Variants in ROBO1 observed in about 807,000 individuals in gnomAD.
ROBO1 encodes the protein roundabout homolog 1.
In ROBO1, 149 loss-of-function variants were observed where a neutral mutation model predicts 195.9. That is an observed-to-expected ratio of 0.76 (90% CI 0.67 to 0.87). The LOEUF (loss-of-function observed/expected upper bound fraction) is 0.87. Ranked by LOEUF, ROBO1 falls within the 40% of genes least tolerant of loss-of-function variation. ROBO1 has a pLI of 0.00. For missense variants in ROBO1, 1,933 were observed against 2,068.3 expected (o/e 0.93, Z 1.27); for synonymous variants, 816 against 733.2 (o/e 1.11, Z -1.82).
chr3:78,737,361 G>A (rs1475684902), intron 5 of ROBO1, among the ~76,000 whole-genome samples: 1 of 152,082 alleles, frequency 6.6e-6, no homozygotes, highest in Admixed American at 6.6e-5. Context: ...TTTCCATCAA[G>A]ATTTAGATGA....
chr3:79,212,919 T>G (rs1414645771), intron 2 of ROBO1, among the ~76,000 whole-genome samples: 1 of 152,082 alleles, frequency 6.6e-6, no homozygotes, highest in African/African-American at 2.4e-5. Flanking sequence ...GCAAATTCTT[T>G]TCTTACTTGC....
chr3:79,315,672 TTTTGATATA>T (rs1434263707), intron 2 of ROBO1, among the ~76,000 whole-genome samples: 2 of 152,216 alleles, frequency 1.3e-5, no homozygotes, highest in Non-Finnish European at 1.5e-5. Context: ...CGGAAACATT[TTTTGATATA>T]TTAAATTCAA....
chr3:79,525,438 T>C (rs1443131924), intron 2 of ROBO1, among the ~76,000 whole-genome samples: 1 of 149,368 alleles, frequency 6.7e-6, no homozygotes, highest in Admixed American at 6.7e-5. Flanking sequence ...TATTAATCTC[T>C]TATGTATGTT....
chr3:78,845,199 G>A (rs1043142861), intron 4 of ROBO1, among the ~76,000 whole-genome samples: 2 of 149,752 alleles, frequency 1.3e-5, no homozygotes, highest in Non-Finnish European at 2.9e-5. Flanking sequence ...ACAGGTTTTA[G>A]AGATTTAATA....
intron 2 of ROBO1, among the ~76,000 whole-genome samples, chr3:79,378,233 C>T (rs2036452443): frequency 6.6e-6 from 1 of 151,752 alleles, no homozygotes; most frequent in Non-Finnish European, 1.5e-5. Flanking sequence ...CTGCTCTGTC[C>T]ACTTTAGGCC....
chr3:79,060,143 C>A (rs2108398670), intron 3 of ROBO1, among the ~76,000 whole-genome samples: 1 of 152,084 alleles, frequency 6.6e-6, no homozygotes, highest in South Asian at 2.1e-4. Flanking sequence ...GCAGCATCCC[C>A]AGGCTTGCTA....
chr3:78,711,469 C>T (rs1170071240), intron 8 of ROBO1, among the ~76,000 whole-genome samples: 1 of 107,334 alleles, frequency 9.3e-6, no homozygotes, highest in Non-Finnish European at 2.1e-5. Flanking sequence ...CCTTCCTTTT[C>T]TCTCTTTCTC....
At chr3:78,798,619 A>G (rs1436397741) in intron 4 of ROBO1, among the ~76,000 whole-genome samples, 1 of 152,156 alleles carries the variant, frequency 6.6e-6, no homozygotes, top group Non-Finnish European at 1.5e-5. Flanking sequence ...ATGCTAAGTA[A>G]ACTTTTTCAG....
intron 2 of ROBO1, among the ~76,000 whole-genome samples, chr3:79,414,684 A>T (rs554025120): frequency 1.3e-4 from 20 of 152,300 alleles, no homozygotes; most frequent in African/African-American, 4.8e-4. Context: ...CTCAAAGCTT[A>T]TATTCAGTAT....
intron 1 of ROBO1, among the ~76,000 whole-genome samples, chr3:79,590,208 T>A (rs1274753718): frequency 6.6e-6 from 1 of 151,838 alleles, no homozygotes; most frequent in Non-Finnish European, 1.5e-5. Context: ...AAATGATTCC[T>A]GGTTTTCTCT....
At chr3:79,454,131 CTTT>C (rs11370962) in intron 2 of ROBO1, among the ~76,000 whole-genome samples, 2 of 141,898 alleles carry the variant, frequency 1.4e-5, no homozygotes, top group Non-Finnish European at 3.1e-5. Flanking sequence ...AATTTCATTC[CTTT>C]TTTTTTTTTT....
At chr3:78,775,397 A>G (rs1452723775) in intron 4 of ROBO1, among the ~76,000 whole-genome samples, 1 of 149,684 alleles carries the variant, frequency 6.7e-6, no homozygotes, top group Admixed American at 7.2e-5. Flanking sequence ...ATTTTATTCT[A>G]TTAAATATAT....
intron 4 of ROBO1, among the ~76,000 whole-genome samples, chr3:78,789,949 C>G (rs945525092): frequency 2.0e-5 from 3 of 152,192 alleles, no homozygotes; most frequent in Non-Finnish European, 4.4e-5. Context: ...ACATCTTGGG[C>G]TAGCTTAACA....
At chr3:78,640,674 G>A (rs1705886124) in intron 21 of ROBO1, among the ~76,000 whole-genome samples, 1 of 152,120 alleles carries the variant, frequency 6.6e-6, no homozygotes, top group African/African-American at 2.4e-5. Flanking sequence ...TTATTAATGG[G>A]AGCCTTGGAC....
chr3:79,350,850 G>C (rs144757234), intron 2 of ROBO1, among the ~76,000 whole-genome samples: 1 of 152,028 alleles, frequency 6.6e-6, no homozygotes, highest in African/African-American at 2.4e-5. Context: ...ATGGGGTCTT[G>C]CTATGTTGCC....
At chr3:78,788,182 C>G (rs2083901717) in intron 4 of ROBO1, among the ~76,000 whole-genome samples, 2 of 151,176 alleles carry the variant, frequency 1.3e-5, no homozygotes. Context: ...GTGGGGCAAT[C>G]TTAGCTCACT....
intron 1 of ROBO1, among the ~76,000 whole-genome samples, chr3:79,597,747 C>A (rs991431849): frequency 6.6e-6 from 1 of 152,066 alleles, no homozygotes; most frequent in African/African-American, 2.4e-5. Flanking sequence ...TAACAAAAGA[C>A]TGTTGGAAAA....
At chr3:79,267,789 T>C (rs1382870857) in intron 2 of ROBO1, among the ~76,000 whole-genome samples, 1 of 151,522 alleles carries the variant, frequency 6.6e-6, no homozygotes, top group African/African-American at 2.4e-5. Flanking sequence ...CAACTCCTCC[T>C]GTAACTTCAT....
chr3:78,707,238 C>T (rs2081574813), intron 8 of ROBO1, among the ~76,000 whole-genome samples: 1 of 152,090 alleles, frequency 6.6e-6, no homozygotes, highest in African/African-American at 2.4e-5. Flanking sequence ...GGAAGCATCC[C>T]ATTAGTAGCA....
Sources: allele counts gnomAD v4.1 joint callset (sites outside exome capture counted in the v4.1 genomes callset), GRCh38; gene constraint gnomAD v4.1.1; transcripts MANE v1.5; gene names NCBI Gene and HGNC (gene_info 2026-07-23, HGNC 2026-07-21).